ICOS: variants seen among roughly 807,000 people sequenced by gnomAD.
ICOS encodes inducible T-cell costimulator.
ICOS carries 15 observed loss-of-function variants against 24.6 expected under a neutral mutation model. The observed-to-expected ratio is 0.61, with a 90% CI of 0.41 to 0.94. The LOEUF (loss-of-function observed/expected upper bound fraction) is 0.94, where lower values mean the gene tolerates loss of function less well. ICOS is among the 40% of genes least tolerant of loss of function. The pLI, the probability that ICOS is intolerant of heterozygous loss-of-function variation, is 0.00. For missense variants in ICOS, 200 were observed against 233.0 expected (o/e 0.86, Z 0.92); for synonymous variants, 89 against 77.5 (o/e 1.15, Z -0.78).
intron 1 of ICOS, among the ~76,000 whole-genome samples, chr2:203,946,197 A>G (rs992998626): frequency 1.3e-5 from 2 of 152,220 alleles, no homozygotes; most frequent in Non-Finnish European, 2.9e-5. Flanking sequence ...ACAAAGTTTT[A>G]TAATACCACT....
chr2:203,941,228 A>G (rs887494356), intron 1 of ICOS, among the ~76,000 whole-genome samples: 2 of 151,252 alleles, frequency 1.3e-5, no homozygotes, highest in Admixed American at 6.6e-5. Context: ...GTTTTTCCCC[A>G]CTCTTTCTAG....
intron 1 of ICOS, among the ~76,000 whole-genome samples, chr2:203,941,947 T>TG (rs1689784354): frequency 6.6e-6 from 1 of 152,194 alleles, no homozygotes; most frequent in African/African-American, 2.4e-5. Flanking sequence ...AACTTCCTTC[T>TG]GGTTCATGTA....
At position 203,960,942 on chromosome 2, in the gene ICOS, T is replaced by C. The variant is rs553920305; in HGVS notation, c.*1343T>C. Reference sequence around the variant, plus strand: ...CATAAAAACCACACAGCCTGGAAATTGGCCCTGGCCCTTCAAGATAGCCTT... The same window carrying C: ...CATAAAAACCACACAGCCTGGAAATCGGCCCTGGCCCTTCAAGATAGCCTT... On this transcript the variant is annotated 3_prime_UTR_variant, in exon 5 of 5. Coordinates refer to ENST00000316386, the MANE Select transcript of ICOS (RefSeq NM_012092.4). 2 of 152,368 alleles carry C rather than the reference T, an allele frequency of 1.3e-5. No individual in the cohort carries two copies. Among genetic ancestry groups the C allele is most frequent in the Admixed American group, 6.5e-5 (1 of 15,306 alleles). 9.4% of individuals were successfully genotyped at this position (152,368 alleles called of 1,614,324 possible). A position where few individuals can be genotyped will look rare whatever the true frequency, so the allele number is the denominator to read the frequency against.
At position 203,955,766 on chromosome 2, in the gene ICOS, C is replaced by T. The variant is rs537195517; in HGVS notation, c.189C>T (p.Cys63=). The change falls in exon 2 of 5, where the codon TGC becomes TGT. Residue 63 remains cysteine, a synonymous_variant. Coordinates refer to ENST00000316386, the MANE Select transcript of ICOS (RefSeq NM_012092.4). ...TGCTGAAAGGGGGGCAAATACTCTG[C>T]GATCTCACTAAGACAAAAGGAAGTG... ...MQLLKGGQIL[C]DLTKTKGSGN... 33 of 1,613,712 alleles carry T rather than the reference C, an allele frequency of 2.0e-5. No homozygotes were observed. Among genetic ancestry groups the T allele is most frequent in the Admixed American group, 1.3e-4 (8 of 59,996 alleles).
intron 1 of ICOS, among the ~76,000 whole-genome samples, chr2:203,946,675 T>TA (rs113462119): frequency 2.0e-5 from 3 of 152,020 alleles, no homozygotes; most frequent in Non-Finnish European, 2.9e-5. Flanking sequence ...CTTTTTTTTT[T>TA]AATGCCAGAA....
At chr2:203,959,043 G>A (rs1438315574) in intron 4 of ICOS, among the ~76,000 whole-genome samples, 4 of 152,188 alleles carry the variant, frequency 2.6e-5, no homozygotes, top group Non-Finnish European at 5.9e-5. Flanking sequence ...AGGCCACAGA[G>A]GCCTGACTTC....
intron 1 of ICOS, among the ~76,000 whole-genome samples, chr2:203,938,472 A>G (rs1189091566): frequency 6.6e-6 from 1 of 152,216 alleles, no homozygotes; most frequent in African/African-American, 2.4e-5. Flanking sequence ...CAAGATGACC[A>G]ACTGGTCCAA....
chr2:203,941,028 C>CCCACCT (rs1553497934), intron 1 of ICOS, among the ~76,000 whole-genome samples: 1 of 149,856 alleles, frequency 6.7e-6, no homozygotes, highest in Non-Finnish European at 1.5e-5. Flanking sequence ...TCGTGATCCG[C>CCCACCT]CCACCTCCGC....
chr2:203,955,633 C>T lies in ICOS; in HGVS notation c.59-3C>T, dbSNP rs764098873. The T allele has an allele frequency of 2.1e-5, 33 of 1,604,580 alleles. No homozygotes were observed. The highest frequency in any genetic ancestry group is 5.5e-5 in the South Asian group (5 of 90,842). On this transcript the variant is annotated splice_region_variant and splice_polypyrimidine_tract_variant and intron_variant, in intron 1 of 4. Coordinates refer to ENST00000316386, the MANE Select transcript of ICOS (RefSeq NM_012092.4). Reference sequence around the variant, plus strand: ...TTGCTTTGTTTTCTTTCTTTTTATGCAGGAGAAATCAATGGTTCTGCCAAT... The same window carrying T: ...TTGCTTTGTTTTCTTTCTTTTTATGTAGGAGAAATCAATGGTTCTGCCAAT...
chr2:203,959,460 G>A (rs1581608351), intron 4 of ICOS, 126 bp from the exon 5 acceptor site: 1 of 730,082 alleles, frequency 1.4e-6, no homozygotes. Flanking sequence ...GTGTGAGTGT[G>A]TGTGTGTGTG....
chr2:203,957,678 A>G (rs1690100689), intron 3 of ICOS, 121 bp from the exon 4 acceptor site: 4 of 762,088 alleles, frequency 5.2e-6, no homozygotes, highest in Non-Finnish European at 2.4e-6. Context: ...AAAGCCAGGA[A>G]CCTAAGTCAC....
In ICOS at chr2:203,959,673, T is replaced by C; in HGVS notation, c.*74T>C. On this transcript the variant is annotated 3_prime_UTR_variant, in exon 5 of 5. Coordinates refer to ENST00000316386, the MANE Select transcript of ICOS (RefSeq NM_012092.4). ...AACTTGAAGTGCAAGATTCTCTTAT[T>C]TCCGGGACCACGGAGAGTCTGACTT... 7.2e-7 allele frequency: 1 copy of C among 1,387,036 alleles called. No homozygotes were observed. The highest frequency in any genetic ancestry group is 1.0e-6 in the Non-Finnish European group (1 of 973,896). 85.9% of individuals were successfully genotyped at this position (1,387,036 alleles called of 1,614,324 possible).
chr2:203,945,579 G>A lies in ICOS; in HGVS notation c.58+8707G>A, dbSNP rs181120665. On this transcript the variant is annotated intron_variant, in intron 1 of 4. Transcript: ENST00000316386. Reference sequence around the variant, plus strand: ...GAGCCTACTGCACTACCTAGGCTATGTGGAGTAGCCTATTGCTTCTAGGCT... The same window carrying A: ...GAGCCTACTGCACTACCTAGGCTATATGGAGTAGCCTATTGCTTCTAGGCT... Among the ~76,000 whole-genome samples, 299 of 152,302 alleles carry A rather than the reference G, an allele frequency of 2.0e-3. 2 individuals carry two copies. Among genetic ancestry groups the A allele is most frequent in the African/African-American group, 6.9e-3 (287 of 41,570 alleles).
intron 1 of ICOS, among the ~76,000 whole-genome samples, chr2:203,940,311 GGTTTCCTCTT>G (rs1416708343): frequency 6.6e-6 from 1 of 152,152 alleles, no homozygotes; most frequent in Non-Finnish European, 1.5e-5. Flanking sequence ...ATCATTGCTA[GGTTTCCTCTT>G]ACAGTATTTC....
chr2:203,952,725 A>C (rs897619406), intron 1 of ICOS, among the ~76,000 whole-genome samples: 3 of 152,220 alleles, frequency 2.0e-5, no homozygotes. Context: ...TAGTTGACTT[A>C]AATTTTCCTG....
At chr2:203,940,659 C>T (rs1188217876) in intron 1 of ICOS, among the ~76,000 whole-genome samples, 4 of 63,656 alleles carry the variant, frequency 6.3e-5, no homozygotes, top group Admixed American at 4.2e-4. Flanking sequence ...ACTCTCATTC[C>T]TTTGTAAAAA....
rs751541705 is a variant in ICOS at position 203,957,782 on chromosome 2, C to T, written c.502-17C>T. 6.3e-7 allele frequency: 1 copy of T among 1,581,098 alleles called. No individual in the cohort carries two copies. The highest frequency in any genetic ancestry group is 8.7e-7 in the Non-Finnish European group (1 of 1,150,224). ...GAAGAAAAGATGACCAAGCATGTTT[C>T]TGGCTTTTTCTTTCAGAAGTATTCA... On this transcript the variant is annotated splice_polypyrimidine_tract_variant and intron_variant, in intron 3 of 4. Transcript: ENST00000316386.
chr2:203,959,531 A>C, intron 4 of ICOS, 55 bp from the exon 5 acceptor site: 1 of 1,522,882 alleles, frequency 6.6e-7, no homozygotes, highest in Non-Finnish European at 9.1e-7. Flanking sequence ...AGCTTCTTGT[A>C]GGGAACTGGC....
chr2:203,940,355 T>G (rs1173744545), intron 1 of ICOS, among the ~76,000 whole-genome samples: 1 of 152,246 alleles, frequency 6.6e-6, no homozygotes, highest in East Asian at 1.9e-4. Flanking sequence ...GAATCCTTTC[T>G]TAACACTTAC....
Sources: allele counts gnomAD v4.1 joint callset (sites outside exome capture counted in the v4.1 genomes callset), GRCh38; gene constraint gnomAD v4.1.1; transcripts MANE v1.5; gene names NCBI Gene and HGNC (gene_info 2026-07-23, HGNC 2026-07-21).